ARFGEF3: variants seen among roughly 807,000 people sequenced by gnomAD.
The protein encoded by ARFGEF3 is ARFGEF family member 3.
A neutral mutation model predicts 221.7 loss-of-function variants in ARFGEF3; 96 were observed. The observed-to-expected ratio is 0.43, with a 90% CI of 0.37 to 0.51. The LOEUF is 0.51. Ranked by LOEUF, ARFGEF3 falls within the 20% of genes least tolerant of loss-of-function variation. The pLI is 0.00. For missense variants in ARFGEF3, 2,410 were observed against 2,789.9 expected, an observed-to-expected ratio of 0.86 and a Z score of 3.07; for synonymous variants, 1,145 against 1,126.8, an observed-to-expected ratio of 1.02 and a Z score of -0.32.
At chr6:138,192,921 T>TA (rs1777336591) in intron 2 of ARFGEF3, among the ~76,000 whole-genome samples, 3 of 152,334 alleles carry the variant, frequency 2.0e-5, no homozygotes, top group Middle Eastern at 6.8e-3. Context: ...ATTTTTTTTT[T>TA]ATGATAGTCT....
chr6:138,292,276 G>A (rs548377423), intron 19 of ARFGEF3, among the ~76,000 whole-genome samples: 7 of 152,308 alleles, frequency 4.6e-5, no homozygotes, highest in Admixed American at 2.0e-4. Flanking sequence ...GGGTCAAAGC[G>A]CTGCGCTTAC....
At chr6:138,318,693 T>A (rs971743308) in intron 27 of ARFGEF3, among the ~76,000 whole-genome samples, 3 of 152,210 alleles carry the variant, frequency 2.0e-5, no homozygotes, top group Admixed American at 2.0e-4. Context: ...TTTCTTGTAT[T>A]CTCATGTAAT....
chr6:138,246,230 C>T (rs538451534), intron 8 of ARFGEF3, among the ~76,000 whole-genome samples: 6 of 151,954 alleles, frequency 3.9e-5, no homozygotes, highest in Non-Finnish European at 8.8e-5. Context: ...ACCAGACTTT[C>T]AACATGGGGC....
At chr6:138,330,970 T>C (rs905675291) in intron 32 of ARFGEF3, among the ~76,000 whole-genome samples, 4 of 152,256 alleles carry the variant, frequency 2.6e-5, no homozygotes, top group African/African-American at 9.6e-5. Context: ...TGCAATCCTT[T>C]GACATCTTTA....
intron 13 of ARFGEF3, among the ~76,000 whole-genome samples, chr6:138,279,761 G>A (rs1779162805): frequency 6.6e-6 from 1 of 152,192 alleles, no homozygotes; most frequent in Non-Finnish European, 1.5e-5. Context: ...AGAATGTAAA[G>A]TGCAGTCTCT....
intron 7 of ARFGEF3, among the ~76,000 whole-genome samples, chr6:138,244,369 A>G (rs936287520): frequency 6.6e-6 from 1 of 152,244 alleles, no homozygotes; most frequent in African/African-American, 2.4e-5. Context: ...ATTTGTAAAG[A>G]CGTTTACAGG....
At chr6:138,264,075 A>G (rs1778840628) in intron 12 of ARFGEF3, among the ~76,000 whole-genome samples, 1 of 152,250 alleles carries the variant, frequency 6.6e-6, no homozygotes, top group East Asian at 1.9e-4. Flanking sequence ...TCTAGTGAAC[A>G]TTCGAACAAT....
In ARFGEF3 at chr6:138,280,032, G is replaced by A. The variant is rs369625027; in HGVS notation, c.2329G>A (p.Val777Met). 141 of 1,613,870 alleles carry A rather than the reference G, an allele frequency of 8.7e-5. 1 individual carries two copies. Among genetic ancestry groups the A allele is most frequent in the East Asian group, 6.2e-4 (28 of 44,876 alleles). The change falls in exon 14 of 34, where the codon GTG (valine) becomes ATG (methionine). Residue 777 changes from valine (V) to methionine (M), a missense_variant. Physicochemically the swap from Val to Met is conservative, Grantham distance 21. This residue lies in a region of ARFGEF3 where 594 missense variants were observed against 734.3 expected (regional missense o/e 0.81). Coordinates refer to ENST00000251691, the MANE Select transcript of ARFGEF3 (RefSeq NM_020340.5). Reference protein sequence around the residue: ...DFMKQVQTSGVLMVFSQAWIE... With the variant: ...DFMKQVQTSGMLMVFSQAWIE... ...CATGAAGCAGGTGCAGACCAGCGGC[G>A]TGCTGATGGTCTTCTCTCAGGCCTG... is the stretch of plus-strand genomic sequence containing the variant.
chr6:138,291,911 GC>G lies in ARFGEF3; in HGVS notation c.3230del (p.Pro1077LeufsTer29). On this transcript the variant is annotated frameshift_variant, in exon 19 of 34. Coordinates refer to ENST00000251691, the MANE Select transcript of ARFGEF3 (RefSeq NM_020340.5). LOFTEE classifies it high-confidence loss of function. The surrounding 1 kb of genome is among the most constrained non-coding windows in gnomAD (Gnocchi z 4.5). ...GGAGCAGGGGCGCTCCCTGAGCACG[GC>G]CCCTGTCGTCCAGCCCCTGTCCATC... ...SPEQGRSLST[A>X]PVVQPLSIQD... 2 of 1,488,550 alleles carry G rather than the reference GC, an allele frequency of 1.3e-6. No individual in the cohort carries two copies. Among genetic ancestry groups the G allele is most frequent in the Non-Finnish European group, 9.0e-7 (1 of 1,114,988 alleles). The allele number at this position is 1,488,550 out of a possible 1,614,324, so 92.2% of individuals were successfully genotyped here. A position where few individuals can be genotyped will look rare whatever the true frequency, so the allele number is the denominator to read the frequency against.
chr6:138,249,790 C>T (rs1168699313), intron 8 of ARFGEF3, among the ~76,000 whole-genome samples: 3 of 152,190 alleles, frequency 2.0e-5, no homozygotes, highest in Non-Finnish European at 2.9e-5. Context: ...GGTCATAGTT[C>T]TGCCTCTAGA....
chr6:138,177,154 A>G (rs543076553), intron 2 of ARFGEF3, among the ~76,000 whole-genome samples: 19 of 151,810 alleles, frequency 1.3e-4, no homozygotes, highest in Non-Finnish European at 2.4e-4. Context: ...CAGTGGAGCA[A>G]TCTCAGCTCA....
chr6:138,230,799 A>G (rs989492777), intron 5 of ARFGEF3, among the ~76,000 whole-genome samples: 9 of 152,214 alleles, frequency 5.9e-5, no homozygotes, highest in African/African-American at 2.2e-4. Context: ...ACAGATGGAA[A>G]GAACACTTTC....
intron 12 of ARFGEF3, among the ~76,000 whole-genome samples, chr6:138,276,679 T>G (rs1399752246): frequency 6.6e-6 from 1 of 152,242 alleles, no homozygotes; most frequent in African/African-American, 2.4e-5. Flanking sequence ...GTTTTTTTGT[T>G]TTTTGAGGCA....
Position 138,255,547 on chromosome 6 carries a change from G to A in ARFGEF3, c.882G>A (p.Ala294=), listed in dbSNP as rs749507132. Residue 294 remains alanine, a synonymous_variant, in exon 10 of 34, where the codon GCG becomes GCA. Transcript: ENST00000251691. Reference sequence around the variant, plus strand: ...GTACCAGCCTGGAGTCGGACTCTGCGTCTCCGGGAGTGTCTGACCACGGCC... The same window carrying A: ...GTACCAGCCTGGAGTCGGACTCTGCATCTCCGGGAGTGTCTGACCACGGCC... ...STSTSLESDS[A]SPGVSDHGRG... The A allele has an allele frequency of 5.6e-6, 9 of 1,614,024 alleles. No individual in the cohort carries two copies. Among genetic ancestry groups the A allele is most frequent in the Non-Finnish European group, 7.6e-6 (9 of 1,179,894 alleles).
At position 138,340,157 on chromosome 6, in the gene ARFGEF3, G is replaced by A. The variant is rs1780403324; in HGVS notation, c.*3671G>A. On this transcript the variant is annotated 3_prime_UTR_variant, in exon 34 of 34. Coordinates refer to ENST00000251691, the MANE Select transcript of ARFGEF3 (RefSeq NM_020340.5). ...AGGCAGGAGAATTGCTTGAACCTGGGAGGTGGGGATTGCAGTCAGCCAAGA... is the reference window on the plus strand; with the variant it reads ...AGGCAGGAGAATTGCTTGAACCTGGAAGGTGGGGATTGCAGTCAGCCAAGA... 6.6e-6 allele frequency: 1 copy of A among 152,246 alleles called. No individual in the cohort carries two copies. The highest frequency in any genetic ancestry group is 1.5e-5 in the Non-Finnish European group (1 of 68,042). 9.4% of individuals were successfully genotyped at this position (152,246 alleles called of 1,614,324 possible). A position where few individuals can be genotyped will look rare whatever the true frequency, so the allele number is the denominator to read the frequency against.
At chr6:138,167,881 G>A (rs991131688) in intron 1 of ARFGEF3, among the ~76,000 whole-genome samples, 3 of 152,100 alleles carry the variant, frequency 2.0e-5, no homozygotes, top group Non-Finnish European at 2.9e-5. Flanking sequence ...GGTGTGTTCT[G>A]TCCAGCCGTA....
At position 138,323,636 on chromosome 6, in the gene ARFGEF3, A is replaced by C. The variant is rs948674619; in HGVS notation, c.4767-35A>C. 3.8e-5 allele frequency: 52 copies of C among 1,384,452 alleles called. 1 individual carries two copies. Among genetic ancestry groups the C allele is most frequent in the Non-Finnish European group, 4.8e-5 (48 of 1,010,128 alleles). 85.8% of individuals were successfully genotyped at this position (1,384,452 alleles called of 1,614,324 possible). A position where few individuals can be genotyped will look rare whatever the true frequency, so the allele number is the denominator to read the frequency against. On this transcript the variant is annotated intron_variant, in intron 29 of 33. Transcript: ENST00000251691. ...GAAAAAAACAAACAACAACAACAAC[A>C]AAAAAAAAACTCCTTTACTTGTTTC...
In ARFGEF3 at chr6:138,162,036, C is replaced by T. The variant is rs1776622859; in HGVS notation, c.-51C>T. 1 of 1,407,010 alleles carries T rather than the reference C, an allele frequency of 7.1e-7. No individual in the cohort carries two copies. The highest frequency in any genetic ancestry group is 9.6e-7 in the Non-Finnish European group (1 of 1,042,552). 87.2% of individuals were successfully genotyped at this position (1,407,010 alleles called of 1,614,324 possible). ...CAGCGGCGGCTTCCCCGGCCCGGCT[C>T]GCCCGCGCTTCTCTCCCTGTGGGCG... On this transcript the variant is annotated 5_prime_UTR_variant, in exon 1 of 34. Transcript: ENST00000251691. This position sits in a 1 kb window ranked among gnomAD's most constrained non-coding sequence, Gnocchi z 4.7.
At chr6:138,170,181 A>G (rs1189760807) in intron 1 of ARFGEF3, among the ~76,000 whole-genome samples, 2 of 152,230 alleles carry the variant, frequency 1.3e-5, no homozygotes, top group Non-Finnish European at 2.9e-5. Flanking sequence ...CTATACTGTA[A>G]TTTTTTAAAA....
Sources: gnomAD v4.1 joint callset for allele counts (sites outside exome capture counted in the v4.1 genomes callset) on GRCh38, gnomAD v4.1.1 for gene constraint, gnomAD v4.1.1 regional missense constraint, Gnocchi (gnomAD v3.1) non-coding constraint, MANE v1.5 for transcripts, NCBI Gene and HGNC (gene_info 2026-07-23, HGNC 2026-07-21) for gene names.